The following RPS6KA2 variants were observed in gnomAD, a reference collection of about 807,000 sequenced individuals.
RPS6KA2 encodes the protein ribosomal protein S6 kinase alpha-2.
A neutral mutation model predicts 91.8 loss-of-function variants in RPS6KA2; 42 were observed. The observed-to-expected ratio is 0.46, with a 90% CI of 0.36 to 0.59. The LOEUF (loss-of-function observed/expected upper bound fraction) is 0.59, where lower values mean the gene tolerates loss of function less well. Among genes scored for constraint, RPS6KA2 ranks in the 20% least tolerant of loss-of-function variants. RPS6KA2 has a pLI of 0.00. For synonymous variants in RPS6KA2, 414 were observed against 393.6 expected (o/e 1.05, Z -0.61); for missense variants, 798 against 978.5 (o/e 0.82, Z 2.46).
At chr6:166,788,010 T>C (rs1254668169) in intron 2 of RPS6KA2, among the ~76,000 whole-genome samples, 1 of 139,832 alleles carries the variant, frequency 7.2e-6, no homozygotes, top group Non-Finnish European at 1.6e-5. Context: ...CATCAAAAAG[T>C]CGGCAAAGGA....
At chr6:166,701,666 G>A (rs985092485) in intron 2 of RPS6KA2, 4 of 1,260,640 alleles carry the variant, frequency 3.2e-6, no homozygotes, top group African/African-American at 3.0e-5. Flanking sequence ...GCTGAAGGGG[G>A]CCCTGAGGTG....
chr6:166,421,016 A>G (rs1345963220), intron 17 of RPS6KA2, among the ~76,000 whole-genome samples: 2 of 152,180 alleles, frequency 1.3e-5, no homozygotes. Context: ...TTTTCTCTGT[A>G]TCGCTGCTAC....
At chr6:166,652,751 G>T (rs78812499) in intron 2 of RPS6KA2, among the ~76,000 whole-genome samples, 21,206 of 152,062 alleles carry the variant, frequency 0.14, 1,517 homozygotes, top group East Asian at 0.19. Flanking sequence ...GAAGAGATGC[G>T]GGTAGTGGTG....
intron 14 of RPS6KA2, among the ~76,000 whole-genome samples, chr6:166,444,367 C>T (rs930444378): frequency 2.0e-5 from 3 of 152,170 alleles, no homozygotes; most frequent in Admixed American, 1.3e-4. Flanking sequence ...ACAACTTCAT[C>T]GCCCACCACT....
chr6:166,608,459 G>A (rs1277502148), intron 1 of RPS6KA2, among the ~76,000 whole-genome samples: 5 of 151,660 alleles, frequency 3.3e-5, no homozygotes, highest in Admixed American at 1.3e-4. Flanking sequence ...ACAATCCATC[G>A]GCGCATGAAA....
chr6:166,430,316 AAG>A (rs1779077965), intron 16 of RPS6KA2, 135 bp downstream of exon 16: 3 of 829,780 alleles, frequency 3.6e-6, no homozygotes, highest in Non-Finnish European at 3.8e-6. Flanking sequence ...CTCCAGACAC[AAG>A]AGAGACGATG....
Position 166,423,200 on chromosome 6 carries a change from G to A in RPS6KA2, c.1743+56C>T. On this transcript the variant is annotated intron_variant, in intron 17 of 20. Coordinates refer to ENST00000265678, the MANE Select transcript of RPS6KA2 (RefSeq NM_021135.6). This position sits in a 1 kb window ranked among gnomAD's most constrained non-coding sequence, Gnocchi z 4.8. ...TCCGGTGGCTCTGCAGTGGGAGGGGGCAGAGCCTGTCTTTGCGGATAGAGA... is the reference window on the plus strand; with the variant it reads ...TCCGGTGGCTCTGCAGTGGGAGGGGACAGAGCCTGTCTTTGCGGATAGAGA... The A allele has an allele frequency of 6.5e-7, 1 of 1,544,690 alleles. No individual in the cohort carries two copies. Among genetic ancestry groups the A allele is most frequent in the Non-Finnish European group, 8.8e-7 (1 of 1,136,052 alleles).
intron 2 of RPS6KA2, among the ~76,000 whole-genome samples, chr6:166,805,323 G>A (rs75165482): frequency 0.042 from 6,441 of 152,290 alleles, 538 homozygotes; most frequent in East Asian, 0.39. Context: ...GTTGCAGACA[G>A]AGAGGCTTGC....
intron 2 of RPS6KA2, among the ~76,000 whole-genome samples, chr6:166,842,020 AG>A (rs1562466840): frequency 6.6e-6 from 1 of 152,184 alleles, no homozygotes; most frequent in Non-Finnish European, 1.5e-5. Flanking sequence ...CCCAGGCAGC[AG>A]GGAGGCCTCT....
chr6:166,572,459 T>C (rs1007898449), intron 1 of RPS6KA2, among the ~76,000 whole-genome samples: 6 of 152,250 alleles, frequency 3.9e-5, no homozygotes, highest in African/African-American at 1.2e-4. Flanking sequence ...ATGTTTACTT[T>C]TGTCAATTTC....
Position 166,500,363 on chromosome 6 carries a change from C to T in RPS6KA2, c.604+524G>A, listed in dbSNP as rs1781980799. 6.6e-6 allele frequency among the ~76,000 whole-genome samples: 1 copy of T among 152,192 alleles called. No homozygotes were observed. Among genetic ancestry groups the T allele is most frequent in the Admixed American group, 6.5e-5 (1 of 15,274 alleles). ...GCTGTTGCCAGTTTGACTGAATTTG[C>T]TGGTGGCTGCCAGGGCTCAGATGGA... On this transcript the variant is annotated intron_variant, in intron 7 of 20. Coordinates refer to ENST00000265678, the MANE Select transcript of RPS6KA2 (RefSeq NM_021135.6). This position sits in a 1 kb window ranked among gnomAD's most constrained non-coding sequence, Gnocchi z 4.3.
At chr6:166,660,558 T>A (rs1788136530) in intron 2 of RPS6KA2, among the ~76,000 whole-genome samples, 1 of 152,182 alleles carries the variant, frequency 6.6e-6, no homozygotes, top group African/African-American at 2.4e-5. Flanking sequence ...AGCTCCTGCC[T>A]CATAAGGATA....
rs1394852203 is a variant in RPS6KA2 at position 166,662,560 on chromosome 6, T to C, written c.124-123776A>G. ...ATTTATGTTATGAACACCAGTTAGT[T>C]TGCACCAGTTCCAGGAAAGAGATTC... On this transcript the variant is annotated intron_variant, in intron 2 of 21. Coordinates refer to the RPS6KA2 transcript ENST00000503859. This position sits in a 1 kb window ranked among gnomAD's most constrained non-coding sequence, Gnocchi z 4.3. Among the ~76,000 whole-genome samples the C allele has an allele frequency of 2.0e-5, 3 of 152,156 alleles. No homozygotes were observed. Among genetic ancestry groups the C allele is most frequent in the African/African-American group, 7.2e-5 (3 of 41,422 alleles).
rs1407903955 is a variant in RPS6KA2, at chr6:166,445,010, G to A, written c.1332+3714C>T. 6.6e-6 allele frequency among the ~76,000 whole-genome samples: 1 copy of A among 152,194 alleles called. No homozygotes were observed. Among genetic ancestry groups the A allele is most frequent in the African/African-American group, 2.4e-5 (1 of 41,440 alleles). On this transcript the variant is annotated intron_variant, in intron 14 of 20. Coordinates refer to ENST00000265678, the MANE Select transcript of RPS6KA2 (RefSeq NM_021135.6). The surrounding 1 kb of genome is among the most constrained non-coding windows in gnomAD (Gnocchi z 4.5). ...TGGTTTCAGTAGAACCTTAAATGTA[G>A]TTTACGTTATTCAGGGTAATTATGG...
At position 166,612,984 on chromosome 6, in the gene RPS6KA2, C is replaced by T. The variant is rs1048529988; in HGVS notation, c.99+13937G>A. On this transcript the variant is annotated intron_variant, in intron 1 of 20. Transcript: ENST00000265678. This position sits in a 1 kb window ranked among gnomAD's most constrained non-coding sequence, Gnocchi z 4.3. ...AGACAGATGCTTGAGCAGTGTTTCC[C>T]GGACCTCCCAGAGAAAGCTGACCCA... Among the ~76,000 whole-genome samples, 5 of 152,188 alleles carry T rather than the reference C, an allele frequency of 3.3e-5. No homozygotes were observed. Among genetic ancestry groups the T allele is most frequent in the Admixed American group, 1.3e-4 (2 of 15,274 alleles).
chr6:166,778,707 AG>A (rs1778689094), intron 2 of RPS6KA2, among the ~76,000 whole-genome samples: 1 of 152,252 alleles, frequency 6.6e-6, no homozygotes, highest in Non-Finnish European at 1.5e-5. Flanking sequence ...CAGAGGTTGC[AG>A]TGAGCCAAGA....
chr6:166,440,268 G>C (rs1399374370), intron 14 of RPS6KA2: 1 of 152,214 alleles, frequency 6.6e-6, no homozygotes, highest in African/African-American at 2.4e-5. Context: ...TGGGCTCGGG[G>C]ACCCGGTAGT....
At chr6:166,671,550 C>A (rs1383520722) in intron 2 of RPS6KA2, among the ~76,000 whole-genome samples, 1 of 152,130 alleles carries the variant, frequency 6.6e-6, no homozygotes, top group Non-Finnish European at 1.5e-5. Context: ...CAGTTTCAAC[C>A]ACACCAGCCC....
intron 16 of RPS6KA2, among the ~76,000 whole-genome samples, chr6:166,429,778 A>G (rs1583121974): frequency 6.6e-6 from 1 of 152,216 alleles, no homozygotes; most frequent in East Asian, 1.9e-4. Flanking sequence ...TTAAAATGCT[A>G]TATAAGCTCA....
Sources: allele counts gnomAD v4.1 joint callset (sites outside exome capture counted in the v4.1 genomes callset), GRCh38; gene constraint gnomAD v4.1.1; non-coding constraint Gnocchi (gnomAD v3.1); transcripts MANE v1.5; gene names NCBI Gene and HGNC (gene_info 2026-07-23, HGNC 2026-07-21).